Variants in PCDHA7 observed in about 807,000 individuals in gnomAD.
The protein encoded by PCDHA7 is protocadherin alpha-7.
In PCDHA7, 37 loss-of-function variants were observed where a neutral mutation model predicts 57.2. That is an observed-to-expected ratio of 0.65 (90% confidence interval 0.50 to 0.85). The LOEUF is 0.85. Among genes scored for constraint, PCDHA7 ranks in the 40% least tolerant of loss-of-function variants. The pLI, the probability that PCDHA7 is intolerant of heterozygous loss-of-function variation, is 0.00. For missense variants in PCDHA7, 1,188 were observed against 1,241.8 expected, an observed-to-expected ratio of 0.96 and a Z score of 0.65; for synonymous variants, 553 against 558.8, an observed-to-expected ratio of 0.99 and a Z score of 0.15.
At chr5:140,841,429 C>G (rs2150315333) in intron 1 of PCDHA7, 3 of 1,612,842 alleles carry the variant, frequency 1.9e-6, no homozygotes, top group South Asian at 1.1e-5. Flanking sequence ...ACTCCGTCCC[C>G]GAGGAGGCCA....
At chr5:140,876,938 T>C in intron 1 of PCDHA7, 1 of 1,613,716 alleles carries the variant, frequency 6.2e-7, no homozygotes, top group East Asian at 2.2e-5. Context: ...AAGAACGCGC[T>C]GGTGTCCTAC....
At chr5:140,898,410 C>T (rs1554187963) in intron 1 of PCDHA7, among the ~76,000 whole-genome samples, 4 of 152,212 alleles carry the variant, frequency 2.6e-5, no homozygotes. Flanking sequence ...CTACATACGG[C>T]TAGCCAGTTT....
chr5:140,899,071 C>T (rs1436283947), intron 1 of PCDHA7, among the ~76,000 whole-genome samples: 1 of 152,106 alleles, frequency 6.6e-6, no homozygotes, highest in African/African-American at 2.4e-5. Flanking sequence ...AGTTGCTTAT[C>T]AGCTTAAGGA....
chr5:140,842,711 G>A lies in PCDHA7; in HGVS notation c.2355+5973G>A, dbSNP rs1554139301. ...CGCGCAGCCCGAGTACACGGTGTTC[G>A]TGAAGGAGAACAACCCGCCGGGCTG... On this transcript the variant is annotated intron_variant, in intron 1 of 3. Coordinates refer to ENST00000525929, the MANE Select transcript of PCDHA7 (RefSeq NM_018910.3). The A allele has an allele frequency of 2.5e-6, 4 of 1,595,274 alleles. No individual in the cohort carries two copies. The South Asian group carries it at 4.4e-5, about 18-fold the overall frequency.
Position 140,912,620 on chromosome 5 carries a change from G to A in PCDHA7, c.2356-66329G>A, listed in dbSNP as rs149952916. Among the ~76,000 whole-genome samples the A allele has an allele frequency of 2.6e-3, 391 of 152,154 alleles. 2 individuals carry two copies. The highest frequency in any genetic ancestry group is 9.2e-3 in the African/African-American group (380 of 41,510). ...TTTCTTCCTCTTGTCTGATTACTCT[G>A]GATGAGACTTTCAGTACTATGTTGA... On this transcript the variant is annotated intron_variant, in intron 1 of 3. Coordinates refer to ENST00000525929, the MANE Select transcript of PCDHA7 (RefSeq NM_018910.3).
At chr5:140,862,662 C>A (rs1365074780) in intron 1 of PCDHA7, 3 of 546,742 alleles carry the variant, frequency 5.5e-6, no homozygotes, top group South Asian at 1.4e-5. Flanking sequence ...GGGACCGGGA[C>A]GCGCAGGAGA....
Position 140,843,501 on chromosome 5 carries a change from C to T in PCDHA7, c.2355+6763C>T, listed in dbSNP as rs2150361276. The stretch of plus-strand genomic sequence containing the variant: ...ACTGCGCTGCGGTGCTCAGCACTGC[C>T]CACTGAGGGCGGGTGCCGGGCGGGC... On this transcript the variant is annotated intron_variant, in intron 1 of 3. Coordinates refer to ENST00000525929, the MANE Select transcript of PCDHA7 (RefSeq NM_018910.3). 8.1e-6 allele frequency: 13 copies of T among 1,595,862 alleles called. 1 individual carries two copies. Among genetic ancestry groups the T allele is most frequent in the East Asian group, 2.2e-5 (1 of 44,830 alleles).
intron 1 of PCDHA7, chr5:140,843,673 T>G: frequency 6.3e-7 from 1 of 1,592,546 alleles, no homozygotes; most frequent in Non-Finnish European, 8.6e-7. Flanking sequence ...GATCAGTTGA[T>G]GTAGGCGAAG....
chr5:140,904,706 A>G (rs1554191662), intron 1 of PCDHA7, among the ~76,000 whole-genome samples: 2 of 151,982 alleles, frequency 1.3e-5, no homozygotes, highest in South Asian at 2.1e-4. Flanking sequence ...TTCCCTTTTC[A>G]CCACATTCTG....
chr5:140,968,293 G>A, intron 1 of PCDHA7: 1 of 1,613,962 alleles, frequency 6.2e-7, no homozygotes, highest in South Asian at 1.1e-5. Flanking sequence ...ACTCCCTTCT[G>A]GAGAGGGAGA....
At chr5:140,924,895 AAAAAAAAAAAT>A (rs1321698386) in intron 1 of PCDHA7, among the ~76,000 whole-genome samples, 1,704 of 132,168 alleles carry the variant, frequency 0.013, 31 homozygotes, top group African/African-American at 0.056. Flanking sequence ...AACCTGTCTC[AAAAAAAAAAAT>A]AAAATAAAAT....
intron 1 of PCDHA7, among the ~76,000 whole-genome samples, chr5:140,899,512 G>C (rs4386771): frequency 0.046 from 7,065 of 152,150 alleles, 285 homozygotes; most frequent in African/African-American, 0.11. Flanking sequence ...TGCATATATT[G>C]CATCCCAGGG....
rs116202025 is a variant in PCDHA7, at chr5:140,975,505, A to G, written c.2356-3444A>G. ...ATATCAATGTTCATAAAATAGCACTATGCAAAATCTGCAGTGGATATATTC... is the reference window on the plus strand; with the variant it reads ...ATATCAATGTTCATAAAATAGCACTGTGCAAAATCTGCAGTGGATATATTC... On this transcript the variant is annotated intron_variant, in intron 1 of 3. Transcript: ENST00000525929. Among the ~76,000 whole-genome samples, 512 of 152,350 alleles carry G rather than the reference A, an allele frequency of 3.4e-3. 3 individuals are homozygous for G. Among genetic ancestry groups the G allele is most frequent in the Middle Eastern group, 6.8e-3 (2 of 294 alleles).
intron 3 of PCDHA7, among the ~76,000 whole-genome samples, chr5:140,984,413 CAGAGAT>C (rs1244237847): frequency 1.3e-5 from 2 of 152,148 alleles, no homozygotes; most frequent in African/African-American, 4.8e-5. Context: ...ATCTTTTTTA[CAGAGAT>C]AGAGAAGGGG....
chr5:140,941,506 G>T (rs556309408), intron 1 of PCDHA7, among the ~76,000 whole-genome samples: 1 of 151,236 alleles, frequency 6.6e-6, no homozygotes, highest in South Asian at 2.1e-4. Flanking sequence ...TAGTAGAGAC[G>T]AGGTTTCACC....
intron 1 of PCDHA7, chr5:140,858,104 G>T: frequency 6.3e-7 from 1 of 1,597,736 alleles, no homozygotes; most frequent in Non-Finnish European, 8.6e-7. Context: ...AGTGGGCGTG[G>T]CGCCCGAGGT....
intron 3 of PCDHA7, among the ~76,000 whole-genome samples, chr5:140,995,389 G>T (rs1377788418): frequency 6.6e-6 from 1 of 152,190 alleles, no homozygotes; most frequent in Non-Finnish European, 1.5e-5. Context: ...GCAGGATAAA[G>T]CGGGATGGCT....
At chr5:140,970,567 T>G (rs558796957) in intron 1 of PCDHA7, among the ~76,000 whole-genome samples, 7 of 152,284 alleles carry the variant, frequency 4.6e-5, no homozygotes, top group African/African-American at 1.7e-4. Context: ...TCCATATGTA[T>G]GCTTGAAATA....
intron 3 of PCDHA7, among the ~76,000 whole-genome samples, chr5:140,985,361 G>T (rs1453706797): frequency 1.3e-5 from 2 of 152,132 alleles, no homozygotes; most frequent in Non-Finnish European, 2.9e-5. Flanking sequence ...GACCCTCTGA[G>T]GTTATCTGGG....
Sources: gnomAD v4.1 joint callset for allele counts (sites outside exome capture counted in the v4.1 genomes callset) on GRCh38, gnomAD v4.1.1 for gene constraint, MANE v1.5 for transcripts, NCBI Gene and HGNC (gene_info 2026-07-23, HGNC 2026-07-21) for gene names.